Variants in KCNH7 observed in about 807,000 individuals in gnomAD.
KCNH7 encodes the protein potassium voltage-gated channel subfamily H member 7, also known as voltage-gated inwardly rectifying potassium channel KCNH7.
A neutral mutation model predicts 120.8 loss-of-function variants in KCNH7; 49 were observed. The ratio of observed to expected loss-of-function variants is 0.41; its 90% CI spans 0.32 to 0.51. The LOEUF (loss-of-function observed/expected upper bound fraction) is 0.51. Ranked by LOEUF, KCNH7 falls within the 20% of genes least tolerant of loss-of-function variation. The pLI is 0.38. For synonymous variants in KCNH7, 547 were observed against 516.1 expected (o/e 1.06, Z -0.81); for missense variants, 1,097 against 1,446.6 (o/e 0.76, Z 3.92).
chr2:162,535,468 C>T (rs1273583909), intron 3 of KCNH7, among the ~76,000 whole-genome samples: 5 of 151,360 alleles, frequency 3.3e-5, no homozygotes, highest in Non-Finnish European at 7.4e-5. Flanking sequence ...ATAGCAGCAA[C>T]AACAAAAGTT....
intron 2 of KCNH7, among the ~76,000 whole-genome samples, chr2:162,716,992 G>T (rs1687144904): frequency 6.6e-6 from 1 of 151,898 alleles, no homozygotes. Context: ...TATGATCTTG[G>T]GTAGAAAGAG....
intron 6 of KCNH7, among the ~76,000 whole-genome samples, chr2:162,494,055 A>G (rs1209894934): frequency 6.6e-6 from 1 of 152,182 alleles, no homozygotes; most frequent in Non-Finnish European, 1.5e-5. Flanking sequence ...AAGGGTTATA[A>G]AAGGTTTACA....
intron 2 of KCNH7, among the ~76,000 whole-genome samples, chr2:162,629,756 G>A (rs544066053): frequency 6.6e-6 from 1 of 152,156 alleles, no homozygotes; most frequent in African/African-American, 2.4e-5. Flanking sequence ...CTCCAGAAAT[G>A]AGCAAATGCT....
chr2:162,838,513 A>C lies in KCNH7; in HGVS notation c.6T>G (p.Pro2=), dbSNP rs1685739788. The change falls in exon 1 of 16, where the codon CCT becomes CCG. Residue 2 remains proline, a synonymous_variant. Coordinates refer to ENST00000332142, the MANE Select transcript of KCNH7 (RefSeq NM_033272.4). ...GTGGTGCCACATGCCCCCTGCGCAC[A>C]GGCATGTTGGCCCCGGTCTTCCGAG... is the stretch of plus-strand genomic sequence containing the variant. M[P]VRRGHVAPQN... The C allele has an allele frequency of 1.2e-6, 2 of 1,612,484 alleles. No homozygotes were observed. The highest frequency in any genetic ancestry group is 1.3e-5 in the African/African-American group (1 of 74,910).
At chr2:162,721,326 G>A (rs1327770699) in intron 2 of KCNH7, among the ~76,000 whole-genome samples, 1 of 152,128 alleles carries the variant, frequency 6.6e-6, no homozygotes, top group Non-Finnish European at 1.5e-5. Context: ...ATCAGCTATT[G>A]TGGGTCAGCC....
chr2:162,583,606 G>T (rs539816432), intron 2 of KCNH7, among the ~76,000 whole-genome samples: 23 of 152,148 alleles, frequency 1.5e-4, no homozygotes, highest in African/African-American at 5.3e-4. Flanking sequence ...TACTGTAAAA[G>T]TATGTAAAAT....
At chr2:162,437,824 T>G (rs1404343385) in intron 7 of KCNH7, among the ~76,000 whole-genome samples, 1 of 152,120 alleles carries the variant, frequency 6.6e-6, no homozygotes, top group Non-Finnish European at 1.5e-5. Context: ...TACTTAGATA[T>G]CTGGAATCAC....
chr2:162,774,212 G>T (rs904593127), intron 2 of KCNH7, among the ~76,000 whole-genome samples: 1 of 151,694 alleles, frequency 6.6e-6, no homozygotes, highest in Non-Finnish European at 1.5e-5. Context: ...TATATTCTTA[G>T]GTCTATTTTC....
intron 2 of KCNH7, among the ~76,000 whole-genome samples, chr2:162,603,872 A>G (rs568918376): frequency 6.6e-6 from 1 of 151,712 alleles, no homozygotes; most frequent in East Asian, 1.9e-4. Context: ...TACATTTAAA[A>G]ACATATAAAA....
At chr2:162,739,111 G>A (rs984469423) in intron 2 of KCNH7, among the ~76,000 whole-genome samples, 4 of 152,072 alleles carry the variant, frequency 2.6e-5, no homozygotes, top group East Asian at 3.9e-4. Flanking sequence ...TCTTCTTTGG[G>A]AGCCTCAGAT....
At chr2:162,678,435 T>G (rs1321074564) in intron 2 of KCNH7, among the ~76,000 whole-genome samples, 1 of 151,378 alleles carries the variant, frequency 6.6e-6, no homozygotes, top group Non-Finnish European at 1.5e-5. Context: ...ATCAAAGATT[T>G]TCATCAACAA....
chr2:162,377,215 C>A (rs1410880048), intron 14 of KCNH7, among the ~76,000 whole-genome samples: 6 of 151,688 alleles, frequency 4.0e-5, no homozygotes, highest in African/African-American at 1.5e-4. Flanking sequence ...TTGTTAAAAA[C>A]CGCAGTGGAG....
At chr2:162,699,049 A>G (rs374683874) in intron 2 of KCNH7, among the ~76,000 whole-genome samples, 10 of 152,260 alleles carry the variant, frequency 6.6e-5, no homozygotes, top group East Asian at 3.9e-4. Context: ...TAACATATGC[A>G]TTACCTCACA....
chr2:162,807,256 C>CAA (rs745345993), intron 2 of KCNH7, among the ~76,000 whole-genome samples: 413 of 15,578 alleles, frequency 0.027, 28 homozygotes, highest in East Asian at 0.11. Context: ...ACTAAAAATA[C>CAA]AAAAAAAAAA....
At chr2:162,564,990 T>C (rs1006858631) in intron 2 of KCNH7, among the ~76,000 whole-genome samples, 1 of 152,118 alleles carries the variant, frequency 6.6e-6, no homozygotes, top group African/African-American at 2.4e-5. Flanking sequence ...CAGAGATGGA[T>C]TAGTAATGGT....
intron 2 of KCNH7, among the ~76,000 whole-genome samples, chr2:162,682,662 A>G (rs1685752570): frequency 6.6e-6 from 1 of 151,886 alleles, no homozygotes; most frequent in African/African-American, 2.4e-5. Flanking sequence ...TGGATTATAC[A>G]TGATTTTACT....
intron 2 of KCNH7, among the ~76,000 whole-genome samples, chr2:162,650,770 G>A (rs1684537329): frequency 6.6e-6 from 1 of 152,166 alleles, no homozygotes; most frequent in Non-Finnish European, 1.5e-5. Flanking sequence ...AGCAAGGGTT[G>A]TGTATGCTTT....
chr2:162,510,785 T>C (rs928357332), intron 5 of KCNH7, among the ~76,000 whole-genome samples: 1 of 151,736 alleles, frequency 6.6e-6, no homozygotes, highest in African/African-American at 2.4e-5. Flanking sequence ...TGGGGGTTCC[T>C]GTACCTAATT....
Position 162,544,472 on chromosome 2 carries a change from T to C in KCNH7, c.308-7392A>G, listed in dbSNP as rs150268564. 6.0e-4 allele frequency among the ~76,000 whole-genome samples: 92 copies of C among 152,230 alleles called. 1 individual carries two copies. Among genetic ancestry groups the C allele is most frequent in the African/African-American group, 2.1e-3 (88 of 41,562 alleles). ...GGCAATAGTACCATTATCATCCCCA[T>C]TAGGCAGTAGTAAAGTGAGCCATGC... On this transcript the variant is annotated intron_variant, in intron 2 of 15. Transcript: ENST00000332142.
Sources: allele counts gnomAD v4.1 joint callset (sites outside exome capture counted in the v4.1 genomes callset), GRCh38; gene constraint gnomAD v4.1.1; transcripts MANE v1.5; gene names NCBI Gene and HGNC (gene_info 2026-07-23, HGNC 2026-07-21).